TMEM184B: variants seen among roughly 807,000 people sequenced by gnomAD.
TMEM184B encodes putative MAPK-activating protein FM08.
TMEM184B carries 17 observed loss-of-function variants against 41.8 expected under a neutral mutation model. The ratio of observed to expected loss-of-function variants is 0.41; its 90% CI spans 0.28 to 0.61. TMEM184B has a LOEUF of 0.61. Among genes scored for constraint, TMEM184B ranks in the 20% least tolerant of loss-of-function variants. The probability of loss-of-function intolerance (pLI) is 0.34; values close to 1 mark genes in which losing one functional copy is unlikely to be tolerated. For missense variants in TMEM184B, 393 were observed against 557.8 expected (o/e 0.70, Z 2.98); for synonymous variants, 240 against 229.5 (o/e 1.05, Z -0.41).
intron 3 of TMEM184B, among the ~76,000 whole-genome samples, chr22:38,235,550 G>A (rs1157164402): frequency 6.6e-6 from 1 of 152,190 alleles, no homozygotes; most frequent in East Asian, 1.9e-4. Context: ...GTGCTCTGGG[G>A]CCAGCCAGTC....
chr22:38,254,934 C>T (rs2092249067), intron 1 of TMEM184B, among the ~76,000 whole-genome samples: 1 of 151,614 alleles, frequency 6.6e-6, no homozygotes, highest in South Asian at 2.1e-4. Flanking sequence ...TCACTGCAAC[C>T]TCTACCTCCC....
chr22:38,269,663 T>C (rs1001949867), intron 1 of TMEM184B, among the ~76,000 whole-genome samples: 6 of 152,206 alleles, frequency 3.9e-5, no homozygotes, highest in Middle Eastern at 6.8e-3. Flanking sequence ...CACCACTGCA[T>C]GCCAAGCTGG....
rs923375836 is a variant in TMEM184B, at chr22:38,219,315, T to C, written c.*2154A>G. The stretch of plus-strand genomic sequence containing the variant: ...AGAGATTTCAATACAATCTATATTA[T>C]CTCATATATAGATTTCTTCCTCACT... On this transcript the variant is annotated 3_prime_UTR_variant, in exon 9 of 9. Coordinates refer to ENST00000361906, the MANE Select transcript of TMEM184B (RefSeq NM_012264.5). The C allele has an allele frequency of 7.3e-5, 72 of 985,516 alleles. No homozygotes were observed. Among genetic ancestry groups the C allele is most frequent in the Non-Finnish European group, 8.6e-5 (71 of 829,874 alleles). 61.0% of individuals were successfully genotyped at this position (985,516 alleles called of 1,614,324 possible).
chr22:38,264,726 G>A (rs1325108743), intron 1 of TMEM184B, among the ~76,000 whole-genome samples: 1 of 152,202 alleles, frequency 6.6e-6, no homozygotes, highest in Non-Finnish European at 1.5e-5. Context: ...AAGCAGGGCA[G>A]GCCTTTCTCC....
rs2092015505 is a variant in TMEM184B, at chr22:38,245,883, T to TGCCC, written c.358+51_358+52insGGGC. 1.2e-3 allele frequency: 1,532 copies of TGCCC among 1,288,440 alleles called. 1 individual carries two copies. Among genetic ancestry groups the TGCCC allele is most frequent in the Non-Finnish European group, 1.4e-3 (1,310 of 920,930 alleles). 79.8% of individuals were successfully genotyped at this position (1,288,440 alleles called of 1,614,324 possible). ...CGGGGAGGAATGTGGGGACAGGGGC[T>TGCCC]CCCAGCCCCCCAGCCCCCCGCCAGC... On this transcript the variant is annotated intron_variant, in intron 3 of 8. Transcript: ENST00000361906.
intron 3 of TMEM184B, among the ~76,000 whole-genome samples, chr22:38,233,082 GACTGA>G (rs1371088853): frequency 1.3e-5 from 2 of 152,240 alleles, no homozygotes; most frequent in African/African-American, 4.8e-5. Flanking sequence ...CAGTTTCACT[GACTGA>G]ACTGGAGCGT....
chr22:38,272,715 C>T, intron 1 of TMEM184B, 169 bp downstream of exon 1: 1 of 985,396 alleles, frequency 1.0e-6, no homozygotes, highest in Non-Finnish European at 1.2e-6. Flanking sequence ...AGACGGATGC[C>T]CCCTCCCTCC....
chr22:38,220,797 G>T lies in TMEM184B; in HGVS notation c.*672C>A. On this transcript the variant is annotated 3_prime_UTR_variant, in exon 9 of 9. Transcript: ENST00000361906. ...CAGAGGTGTGGCCACGACAGGTGGGGATACCCAGGGGCCCAGAAGCCCCTG... is the reference window on the plus strand; with the variant it reads ...CAGAGGTGTGGCCACGACAGGTGGGTATACCCAGGGGCCCAGAAGCCCCTG... The T allele has an allele frequency of 1.0e-6, 1 of 986,114 alleles. No individual in the cohort carries two copies. Among genetic ancestry groups the T allele is most frequent in the South Asian group, 4.7e-5 (1 of 21,300 alleles). The allele number at this position is 986,114 out of a possible 1,614,324, so 61.1% of individuals were successfully genotyped here.
intron 3 of TMEM184B, among the ~76,000 whole-genome samples, chr22:38,236,306 G>A (rs936447483): frequency 5.3e-5 from 8 of 152,116 alleles, no homozygotes; most frequent in African/African-American, 1.7e-4. Context: ...ACAGTATCAG[G>A]AGAGAAGGAC....
chr22:38,221,968 G>T (rs1181055653), intron 8 of TMEM184B: 3 of 553,948 alleles, frequency 5.4e-6, no homozygotes, highest in Non-Finnish European at 9.5e-6. Context: ...GAGCTGGGCT[G>T]GCTGCAGGGA....
chr22:38,240,730 GGC>G (rs754035775), intron 3 of TMEM184B, among the ~76,000 whole-genome samples: 1 of 92,668 alleles, frequency 1.1e-5, no homozygotes, highest in African/African-American at 4.6e-5. Flanking sequence ...GGGAAAAAAA[GGC>G]AAAAAAAAAA....
In TMEM184B at chr22:38,221,165, T is replaced by C; in HGVS notation, c.*304A>G. On this transcript the variant is annotated 3_prime_UTR_variant, in exon 9 of 9. Coordinates refer to ENST00000361906, the MANE Select transcript of TMEM184B (RefSeq NM_012264.5). ...CCACACACAAGCATTGGGGCCTGGGTGCGGCTGGTCCCAGCATGCCCCCAG... is the reference window on the plus strand; with the variant it reads ...CCACACACAAGCATTGGGGCCTGGGCGCGGCTGGTCCCAGCATGCCCCCAG... 5.8e-6 allele frequency: 7 copies of C among 1,213,818 alleles called. No homozygotes were observed. Among genetic ancestry groups the C allele is most frequent in the Non-Finnish European group, 7.2e-6 (7 of 971,714 alleles). The allele number at this position is 1,213,818 out of a possible 1,614,324, so 75.2% of individuals were successfully genotyped here.
In TMEM184B at chr22:38,221,016, G is replaced by A; in HGVS notation, c.*453C>T. 1.0e-6 allele frequency: 1 copy of A among 1,003,146 alleles called. No homozygotes were observed. The highest frequency in any genetic ancestry group is 1.2e-6 in the Non-Finnish European group (1 of 841,134). 62.1% of individuals were successfully genotyped at this position (1,003,146 alleles called of 1,614,324 possible). ...CACTGGACAAAGGTGGACAGGGGAG[G>A]GATGCAGGCGGGAAGAGCCCAGGTC... On this transcript the variant is annotated 3_prime_UTR_variant, in exon 9 of 9. Transcript: ENST00000361906.
intron 4 of TMEM184B, 53 bp from the exon 5 acceptor site, chr22:38,230,797 G>C: frequency 6.4e-7 from 1 of 1,550,428 alleles, no homozygotes; most frequent in Non-Finnish European, 8.8e-7. Context: ...GCCAGGACTT[G>C]GGAACAGTGG....
downstream of TMEM184B, among the ~76,000 whole-genome samples, chr22:38,217,825 C>A (rs1602341591): frequency 1.5e-5 from 1 of 65,728 alleles, no homozygotes; most frequent in African/African-American, 5.3e-5. Flanking sequence ...AGCAAGACTC[C>A]ATCTCAAAAA....
chr22:38,253,999 G>A (rs1306797599), intron 1 of TMEM184B, among the ~76,000 whole-genome samples: 3 of 152,054 alleles, frequency 2.0e-5, no homozygotes, highest in African/African-American at 4.8e-5. Context: ...TCAGGAGTTC[G>A]AGATCAGCCT....
chr22:38,272,763 G>C (rs1407739952), intron 1 of TMEM184B, 121 bp downstream of exon 1: 1 of 985,146 alleles, frequency 1.0e-6, no homozygotes, highest in African/African-American at 1.7e-5. Flanking sequence ...TCCCCGCCCG[G>C]GAGCCGGCGG....
chr22:38,238,862 C>T (rs2091843420), intron 3 of TMEM184B, among the ~76,000 whole-genome samples: 1 of 152,166 alleles, frequency 6.6e-6, no homozygotes, highest in Non-Finnish European at 1.5e-5. Context: ...AGTTTCAGAG[C>T]CTATTCAAAT....
intron 5 of TMEM184B, among the ~76,000 whole-genome samples, chr22:38,227,744 C>A (rs11914050): frequency 0.012 from 1,768 of 152,182 alleles, 33 homozygotes; most frequent in South Asian, 0.04. Flanking sequence ...GCCACTGCTG[C>A]GGGGATGGCA....
Sources: allele counts gnomAD v4.1 joint callset (sites outside exome capture counted in the v4.1 genomes callset), GRCh38; gene constraint gnomAD v4.1.1; transcripts MANE v1.5; gene names NCBI Gene and HGNC (gene_info 2026-07-23, HGNC 2026-07-21).